MLLT10: variants seen among roughly 807,000 people sequenced by gnomAD.
MLLT10 encodes the protein protein AF-10.
In MLLT10, 30 loss-of-function variants were observed where a neutral mutation model predicts 129.1. That is an observed-to-expected ratio of 0.23 (90% CI 0.17 to 0.32). MLLT10 has a LOEUF of 0.32. Ranked by LOEUF, MLLT10 falls within the 10% of genes least tolerant of loss-of-function variation. The pLI, the probability that MLLT10 is intolerant of heterozygous loss-of-function variation, is 1.00. For synonymous variants in MLLT10, 490 were observed against 446.4 expected (o/e 1.10, Z -1.23); for missense variants, 1,119 against 1,268.3 (o/e 0.88, Z 1.79).
chr10:21,560,446 CT>C (rs2038660399), intron 3 of MLLT10, among the ~76,000 whole-genome samples: 1 of 152,112 alleles, frequency 6.6e-6, no homozygotes, highest in Non-Finnish European at 1.5e-5. Context: ...GTTGTTCTTA[CT>C]GTTTTTGAGA....
At chr10:21,714,355 A>G (rs201674357) in intron 14 of MLLT10, among the ~76,000 whole-genome samples, 1 of 147,720 alleles carries the variant, frequency 6.8e-6, no homozygotes, top group Admixed American at 6.8e-5. Context: ...TTTAAAAAAA[A>G]CCGTGTAGGA....
At chr10:21,551,913 G>T in intron 3 of MLLT10, 1 of 321,196 alleles carries the variant, frequency 3.1e-6, no homozygotes. Flanking sequence ...TCCTGCCTCA[G>T]CCTCCCAAGT....
At chr10:21,587,008 C>CT (rs1173653108) in intron 4 of MLLT10, among the ~76,000 whole-genome samples, 2 of 148,944 alleles carry the variant, frequency 1.3e-5, no homozygotes, top group South Asian at 4.2e-4. Flanking sequence ...GTTTTAGATT[C>CT]TTTTTTTCTG....
intron 14 of MLLT10, among the ~76,000 whole-genome samples, chr10:21,726,006 C>G (rs1050431928): frequency 2.0e-5 from 3 of 152,088 alleles, no homozygotes; most frequent in Non-Finnish European, 2.9e-5. Context: ...CCACGTCAGC[C>G]TCCCAAAGTG....
intron 2 of MLLT10, 80 bp downstream of exon 2, chr10:21,534,884 GGCGC>G: frequency 9.7e-7 from 1 of 1,035,310 alleles, no homozygotes; most frequent in Non-Finnish European, 1.2e-6. Context: ...CGCAACCGCC[GGCGC>G]CCCCGCCCCG....
chr10:21,539,698 G>A (rs1404197277), intron 3 of MLLT10, among the ~76,000 whole-genome samples: 2 of 152,172 alleles, frequency 1.3e-5, no homozygotes, highest in African/African-American at 4.8e-5. Context: ...GAACCCGGGA[G>A]GTAGAGGTTG....
chr10:21,711,731 ACT>A (rs1442812730), intron 13 of MLLT10, among the ~76,000 whole-genome samples: 4 of 152,220 alleles, frequency 2.6e-5, no homozygotes, highest in East Asian at 1.9e-4. Context: ...GGTGAGAGAG[ACT>A]CTGTCTCAGA....
chr10:21,580,780 A>T lies in MLLT10; in HGVS notation c.241-5514A>T, dbSNP rs2041341672. On this transcript the variant is annotated intron_variant, in intron 3 of 22. Transcript: ENST00000307729. ...GCAATGGCGCGATCTTGACTCACTG[A>T]AACCTCTGCCTCCTGGGTTCATGGA... Among the ~76,000 whole-genome samples the T allele has an allele frequency of 1.3e-5, 2 of 148,416 alleles. 1 individual carries two copies. Among genetic ancestry groups the T allele is most frequent in the South Asian group, 4.3e-4 (2 of 4,672 alleles).
intron 3 of MLLT10, among the ~76,000 whole-genome samples, chr10:21,554,195 A>C (rs1436186000): frequency 6.6e-6 from 1 of 152,032 alleles, no homozygotes; most frequent in African/African-American, 2.4e-5. Flanking sequence ...TTCTGTATTT[A>C]AAAAAAATTT....
intron 8 of MLLT10, chr10:21,625,602 G>T: frequency 1.3e-6 from 1 of 757,384 alleles, no homozygotes; most frequent in Non-Finnish European, 2.5e-6. Context: ...TTGTCATCAG[G>T]TTGATCATAG....
intron 3 of MLLT10, among the ~76,000 whole-genome samples, chr10:21,545,092 C>A (rs1417886269): frequency 6.6e-6 from 1 of 152,008 alleles, no homozygotes; most frequent in Admixed American, 6.6e-5. Flanking sequence ...TTGTGGTGAG[C>A]CGAGATCGCG....
Position 21,688,028 on chromosome 10 carries a change from G to A in MLLT10, c.1699+5771G>A, listed in dbSNP as rs141083676. On this transcript the variant is annotated intron_variant, in intron 13 of 22. Transcript: ENST00000307729. ...GTTGCTCTTGGTTCCTTGAAGATAG[G>A]CTTCAAAGACTCTTAAGGGATAAAC... 3.0e-3 allele frequency among the ~76,000 whole-genome samples: 453 copies of A among 152,238 alleles called. 3 individuals carry two copies. The highest frequency in any genetic ancestry group is 5.1e-3 in the Non-Finnish European group (347 of 67,990).
chr10:21,562,172 T>G (rs1460869401), intron 3 of MLLT10, among the ~76,000 whole-genome samples: 2 of 152,150 alleles, frequency 1.3e-5, no homozygotes, highest in Admixed American at 6.6e-5. Flanking sequence ...TCTTCAAATT[T>G]ATTCTTCCTT....
intron 3 of MLLT10, chr10:21,551,800 C>CTT (rs747938797): frequency 2.4e-3 from 822 of 344,460 alleles, no homozygotes; most frequent in South Asian, 4.0e-3. Context: ...GTCTCTCTCT[C>CTT]TTTTTTTTTT....
In MLLT10 at chr10:21,673,569, C is replaced by T; in HGVS notation, c.1271C>T (p.Ser424Leu). ...FSTLIGLPST[S>L]AVTSQPKSFE... The stretch of plus-strand genomic sequence containing the variant: ...ACCTTAATTGGCCTCCCTTCAACCT[C>T]AGCTGTTACTTCACAGCCTAAAAGC... Residue 424 changes from serine to leucine, a missense_variant, in exon 11 of 23, where the codon TCA (serine) becomes TTA (leucine). Ser to Leu is a moderately radical substitution (Grantham distance 145). Around this residue, in one of 5 missense-constraint regions of MLLT10, gnomAD observed 1,004 missense variants for 1,008.7 expected, o/e 1.00. Transcript: ENST00000307729. 1 of 1,613,212 alleles carries T rather than the reference C, an allele frequency of 6.2e-7. No homozygotes were observed. Among genetic ancestry groups the T allele is most frequent in the Non-Finnish European group, 8.5e-7 (1 of 1,179,706 alleles).
At chr10:21,589,398 G>C (rs1307961264) in intron 4 of MLLT10, among the ~76,000 whole-genome samples, 2 of 150,150 alleles carry the variant, frequency 1.3e-5, no homozygotes, top group Non-Finnish European at 2.9e-5. Context: ...CAGGATCCTA[G>C]CTCACTGTAG....
intron 3 of MLLT10, chr10:21,556,913 A>G (rs1197178857): frequency 1.3e-6 from 2 of 1,550,194 alleles, no homozygotes; most frequent in Non-Finnish European, 1.7e-6. Context: ...CTCAGTTGTC[A>G]TTTGGCGTTT....
chr10:21,706,559 G>T (rs752405573), intron 13 of MLLT10, among the ~76,000 whole-genome samples: 15 of 152,180 alleles, frequency 9.9e-5, no homozygotes, highest in African/African-American at 2.7e-4. Flanking sequence ...TAACTTACAG[G>T]CTTAATTACT....
chr10:21,657,219 C>G (rs2049682369), intron 9 of MLLT10, among the ~76,000 whole-genome samples: 1 of 151,862 alleles, frequency 6.6e-6, no homozygotes, highest in East Asian at 1.9e-4. Context: ...TGGTGAAACC[C>G]TGTCTCTACT....
Sources: gnomAD v4.1 joint callset for allele counts (sites outside exome capture counted in the v4.1 genomes callset) on GRCh38, gnomAD v4.1.1 for gene constraint, gnomAD v4.1.1 regional missense constraint, MANE v1.5 for transcripts, NCBI Gene and HGNC (gene_info 2026-07-23, HGNC 2026-07-21) for gene names.